TLCD4: variants seen among roughly 807,000 people sequenced by gnomAD.
The protein encoded by TLCD4 is TLC domain containing 4.
A neutral mutation model predicts 24.2 loss-of-function variants in TLCD4; 7 were observed. The observed-to-expected ratio is 0.29, with a 90% CI of 0.16 to 0.54. The LOEUF is 0.54. Ranked by LOEUF, TLCD4 falls within the 20% of genes least tolerant of loss-of-function variation. The pLI, the probability that TLCD4 is intolerant of heterozygous loss-of-function variation, is 0.95. For synonymous variants in TLCD4, 103 were observed against 106.4 expected (o/e 0.97, Z 0.20); for missense variants, 259 against 313.9 (o/e 0.82, Z 1.32).
chr1:95,157,771 C>G (rs560473386), intron 5 of TLCD4, among the ~76,000 whole-genome samples: 1 of 152,262 alleles, frequency 6.6e-6, no homozygotes, highest in Non-Finnish European at 1.5e-5. Flanking sequence ...AGTAATTGTT[C>G]CAAGAGACCC....
At chr1:95,143,314 A>G (rs754850942) in intron 1 of TLCD4, among the ~76,000 whole-genome samples, 16 of 152,280 alleles carry the variant, frequency 1.1e-4, no homozygotes, top group Non-Finnish European at 1.5e-4. Context: ...TCTTGCCTCA[A>G]CAGTGCAATG....
At chr1:95,170,554 C>T (rs1273958005) in intron 5 of TLCD4, among the ~76,000 whole-genome samples, 10 of 152,066 alleles carry the variant, frequency 6.6e-5, no homozygotes, top group Admixed American at 3.3e-4. Context: ...TGGTCTCGAT[C>T]TCCTGACCTT....
At chr1:95,178,828 TG>T (rs1168214708) in intron 6 of TLCD4, among the ~76,000 whole-genome samples, 1 of 152,216 alleles carries the variant, frequency 6.6e-6, no homozygotes, top group African/African-American at 2.4e-5. Context: ...TCAAGTGTTT[TG>T]TTCTCTTAGG....
chr1:95,140,694 A>G (rs987087044), intron 1 of TLCD4: 2 of 152,222 alleles, frequency 1.3e-5, no homozygotes, highest in African/African-American at 4.8e-5. Flanking sequence ...TAGGCCAAAT[A>G]GTATCCCAGC....
the TLCD4 span, among the ~76,000 whole-genome samples, chr1:95,093,947 GT>G: frequency 6.6e-6 from 1 of 152,100 alleles, no homozygotes; most frequent in Non-Finnish European, 1.5e-5. Context: ...TGACTTTTCT[GT>G]TTTTCTCATT....
At chr1:95,105,984 C>T in the TLCD4 span, among the ~76,000 whole-genome samples, 18 of 151,290 alleles carry the variant, frequency 1.2e-4, no homozygotes, top group African/African-American at 3.2e-4. Context: ...GGCAGTTGTT[C>T]TAATGCAGAC....
the TLCD4 span, among the ~76,000 whole-genome samples, chr1:95,107,361 T>C: frequency 5.3e-5 from 8 of 152,294 alleles, no homozygotes; most frequent in Non-Finnish European, 2.9e-5. Context: ...AGGCGAAGCT[T>C]GCAGTGAGCC....
In TLCD4 at chr1:95,195,814, G is replaced by A. The variant is rs1390142164; in HGVS notation, c.*3946G>A. 6.6e-6 allele frequency: 1 copy of A among 152,088 alleles called. No homozygotes were observed. Among genetic ancestry groups the A allele is most frequent in the African/African-American group, 2.4e-5 (1 of 41,424 alleles). 9.4% of individuals were successfully genotyped at this position (152,088 alleles called of 1,614,324 possible). A position where few individuals can be genotyped will look rare whatever the true frequency, so the allele number is the denominator to read the frequency against. On this transcript the variant is annotated 3_prime_UTR_variant, in exon 7 of 7. Transcript: ENST00000370203. ...CATTGAGAGTGCTTTTCCCTTAAAC[G>A]CCGTGATAGTCCTCCCTTGATCTAG...
chr1:95,186,715 G>C (rs550336435), intron 6 of TLCD4, among the ~76,000 whole-genome samples: 14 of 152,120 alleles, frequency 9.2e-5, no homozygotes, highest in Non-Finnish European at 2.1e-4. Context: ...TTAGAATGTG[G>C]ATGTCATTGC....
At chr1:95,180,178 G>C (rs1678583545) in intron 6 of TLCD4, among the ~76,000 whole-genome samples, 1 of 152,120 alleles carries the variant, frequency 6.6e-6, no homozygotes, top group Non-Finnish European at 1.5e-5. Flanking sequence ...TCTGTCTCTT[G>C]AATATGATTC....
At chr1:95,110,433 C>T in the TLCD4 span, among the ~76,000 whole-genome samples, 1 of 152,008 alleles carries the variant, frequency 6.6e-6, no homozygotes, top group Admixed American at 6.5e-5. Context: ...CATCCAACAA[C>T]AAGATCCCTA....
chr1:95,184,335 C>T (rs1426260329), intron 6 of TLCD4, among the ~76,000 whole-genome samples: 1 of 122,816 alleles, frequency 8.1e-6, no homozygotes, highest in Non-Finnish European at 1.7e-5. Context: ...ATTATTTGTC[C>T]CTGTCCTCTT....
At chr1:95,114,841 A>AT (rs1395703154), upstream of TLCD4, among the ~76,000 whole-genome samples, 1 of 151,942 alleles carries the variant, frequency 6.6e-6, no homozygotes, top group Non-Finnish European at 1.5e-5. Flanking sequence ...AAAAAAAAAA[A>AT]GAGTTTTTGT....
rs940541749 is a variant in TLCD4, at chr1:95,117,439, C to T, written c.-190C>T. The T allele has an allele frequency of 1.3e-5, 2 of 152,260 alleles. No homozygotes were observed. Among genetic ancestry groups the T allele is most frequent in the East Asian group, 1.9e-4 (1 of 5,160 alleles). 9.4% of individuals were successfully genotyped at this position (152,260 alleles called of 1,614,324 possible). ...GTAGCTGGAGCCTCCGCGACTGCAC[C>T]TCCAAGCGGCCCGGAACCCGCGGCT... On this transcript the variant is annotated 5_prime_UTR_variant, in exon 1 of 7. Coordinates refer to ENST00000370203, the MANE Select transcript of TLCD4 (RefSeq NM_152487.3).
chr1:95,191,815 C>G lies in TLCD4; in HGVS notation c.739C>G (p.His247Asp), dbSNP rs1168501021. The G allele has an allele frequency of 6.2e-7, 1 of 1,614,124 alleles. No individual in the cohort carries two copies. The highest frequency in any genetic ancestry group is 2.2e-5 in the East Asian group (1 of 44,868). Residue 247 changes from histidine (H) to aspartate (D), a missense_variant, in exon 7 of 7, where the codon CAC (histidine) becomes GAC (aspartate). Physicochemically the swap from His to Asp is moderately conservative, Grantham distance 81 (BLOSUM62 -1). Coordinates refer to ENST00000370203, the MANE Select transcript of TLCD4 (RefSeq NM_152487.3). Reference protein sequence around the residue: ...ISKGCIKVISHIRQEKAKNSL... With the variant: ...ISKGCIKVISDIRQEKAKNSL... The stretch of plus-strand genomic sequence containing the variant: ...AAAAGGTTGCATCAAAGTCATCTCT[C>G]ACATCAGACAAGAGAAAGCCAAAAA...
intron 3 of TLCD4, among the ~76,000 whole-genome samples, chr1:95,149,571 ACATT>A (rs1359144503): frequency 6.6e-6 from 1 of 152,226 alleles, no homozygotes; most frequent in Admixed American, 6.5e-5. Context: ...CAGTATTGAT[ACATT>A]TTCATTGGGA....
chr1:95,182,801 G>A (rs963212124), intron 6 of TLCD4, among the ~76,000 whole-genome samples: 1 of 152,108 alleles, frequency 6.6e-6, no homozygotes, highest in African/African-American at 2.4e-5. Flanking sequence ...CACAGAGAAC[G>A]TGGCATACAC....
chr1:95,144,211 A>T (rs1677288795), intron 2 of TLCD4, among the ~76,000 whole-genome samples, 155 bp downstream of exon 2: 1 of 152,232 alleles, frequency 6.6e-6, no homozygotes, highest in South Asian at 2.1e-4. Context: ...AGATGATCTC[A>T]TGCAAAAAAA....
At chr1:95,184,423 A>G (rs1021011464) in intron 6 of TLCD4, among the ~76,000 whole-genome samples, 1 of 152,174 alleles carries the variant, frequency 6.6e-6, no homozygotes, top group Admixed American at 6.5e-5. Context: ...TAGAGCAAAT[A>G]ATTCCTAGTT....
Sources: allele counts gnomAD v4.1 joint callset (sites outside exome capture counted in the v4.1 genomes callset), GRCh38; gene constraint gnomAD v4.1.1; transcripts MANE v1.5; gene names NCBI Gene and HGNC (gene_info 2026-07-23, HGNC 2026-07-21).